The following EVI5L variants were observed in gnomAD, a reference collection of about 807,000 sequenced individuals.
The protein encoded by EVI5L is EVI5-like protein.
EVI5L carries 30 observed loss-of-function variants against 106.1 expected under a neutral mutation model. The ratio of observed to expected loss-of-function variants is 0.28; its 90% CI spans 0.21 to 0.38. The LOEUF (loss-of-function observed/expected upper bound fraction) is 0.38. EVI5L is among the 10% of genes least tolerant of loss of function. The pLI is 1.00. For missense variants in EVI5L, 809 were observed against 1,098.0 expected (o/e 0.74, Z 3.72); for synonymous variants, 489 against 483.3 (o/e 1.01, Z -0.15).
intron 2 of EVI5L, among the ~76,000 whole-genome samples, chr19:7,847,471 C>T (rs979959900): frequency 2.0e-5 from 3 of 151,986 alleles, no homozygotes; most frequent in African/African-American, 7.3e-5. Flanking sequence ...CCTGTAATCC[C>T]AGCTACTCAG....
At chr19:7,844,677 C>T (rs1256947962) in intron 1 of EVI5L, among the ~76,000 whole-genome samples, 1 of 152,236 alleles carries the variant, frequency 6.6e-6, no homozygotes, top group Admixed American at 6.5e-5. Context: ...TTAGGTGGTG[C>T]CCAGCAGCTT....
At chr19:7,860,729 C>G in intron 14 of EVI5L, 40 bp downstream of exon 14, 1 of 1,534,620 alleles carries the variant, frequency 6.5e-7, no homozygotes, top group East Asian at 2.4e-5. Flanking sequence ...CGGGGGGACC[C>G]TGGGGCACAG....
At chr19:7,837,809 T>G (rs866553241) in intron 1 of EVI5L, among the ~76,000 whole-genome samples, 3 of 152,064 alleles carry the variant, frequency 2.0e-5, no homozygotes, top group Middle Eastern at 6.8e-3. Flanking sequence ...GTTCAAGCGA[T>G]TCTCCTGCCT....
rs1359385346 is a variant in EVI5L at position 7,864,711 on chromosome 19, C to T, written c.*1009C>T. On this transcript the variant is annotated 3_prime_UTR_variant, in exon 20 of 20. Coordinates refer to ENST00000538904, the MANE Select transcript of EVI5L (RefSeq NM_001159944.3). This position sits in a 1 kb window ranked among gnomAD's most constrained non-coding sequence, Gnocchi z 4.5. ...CCCCGGCCCCCCGGGCCTCATGACC[C>T]TGGGGGCTGCCCCCCTCGGTGCTCC... 6.6e-6 allele frequency: 1 copy of T among 152,380 alleles called. No homozygotes were observed. Among genetic ancestry groups the T allele is most frequent in the African/African-American group, 2.4e-5 (1 of 41,428 alleles). 9.4% of individuals were successfully genotyped at this position (152,380 alleles called of 1,614,324 possible).
rs567289793 is a variant in EVI5L at position 7,859,760 on chromosome 19, A to C, written c.1375-801A>C. Among the ~76,000 whole-genome samples the C allele has an allele frequency of 6.6e-5, 10 of 152,338 alleles. No individual in the cohort carries two copies. The South Asian group carries it at 1.7e-3, about 25-fold the overall frequency. On this transcript the variant is annotated intron_variant, in intron 13 of 19. Transcript: ENST00000538904. ...GGGGATGCAGAGATCGGGGAGGCCC[A>C]AGGCCACCTCCTCAGGCCCAAAGGG... is the stretch of plus-strand genomic sequence containing the variant.
At position 7,850,242 on chromosome 19, in the gene EVI5L, C is replaced by G. The variant is rs904667342; in HGVS notation, c.753+120C>G. ...CACCCTAGACCATACCCGGGCACCT[C>G]TTGGACTGAAAATTCCAAGCCTGTG... On this transcript the variant is annotated intron_variant, in intron 6 of 19. Coordinates refer to ENST00000538904, the MANE Select transcript of EVI5L (RefSeq NM_001159944.3). This position sits in a 1 kb window ranked among gnomAD's most constrained non-coding sequence, Gnocchi z 5.4. 1.8e-5 allele frequency: 25 copies of G among 1,393,492 alleles called. No individual in the cohort carries two copies. In the African/African-American group the frequency reaches 3.6e-4, roughly 20 times the overall value. 86.3% of individuals were successfully genotyped at this position (1,393,492 alleles called of 1,614,324 possible).
Position 7,858,070 on chromosome 19 carries a change from G to GCCCCCACCTCACTTC in EVI5L, c.1234-110_1234-96dup. 5.8e-6 allele frequency: 7 copies of GCCCCCACCTCACTTC among 1,198,804 alleles called. No individual in the cohort carries two copies. The highest frequency in any genetic ancestry group is 6.9e-6 in the Non-Finnish European group (6 of 864,144). The allele number at this position is 1,198,804 out of a possible 1,614,324, so 74.3% of individuals were successfully genotyped here. ...TCATCCCAGGCTCTGAGTACGGGAG[G>GCCCCCACCTCACTTC]CCCCCACCTCACTTCCCCCCACCTC... On this transcript the variant is annotated intron_variant, in intron 12 of 19. Coordinates refer to ENST00000538904, the MANE Select transcript of EVI5L (RefSeq NM_001159944.3). The surrounding 1 kb of genome is among the most constrained non-coding windows in gnomAD (Gnocchi z 5.7).
At chr19:7,842,311 AGAATGTAT>A in intron 1 of EVI5L, among the ~76,000 whole-genome samples, 1 of 85,504 alleles carries the variant, frequency 1.2e-5, no homozygotes, top group East Asian at 3.0e-4. Flanking sequence ...TGCGTGTGTG[AGAATGTAT>A]GAATGTATGT....
chr19:7,839,773 A>C (rs1978516944), intron 1 of EVI5L, among the ~76,000 whole-genome samples: 1 of 152,120 alleles, frequency 6.6e-6, no homozygotes, highest in African/African-American at 2.4e-5. Context: ...AATTAGAAAA[A>C]TTGGCAAGGC....
chr19:7,862,212 C>T lies in EVI5L; in HGVS notation c.1735C>T (p.Arg579Cys). The T allele has an allele frequency of 6.4e-7, 1 of 1,573,072 alleles. No homozygotes were observed. Among genetic ancestry groups the T allele is most frequent in the Non-Finnish European group, 8.6e-7 (1 of 1,161,578 alleles). ...GGACGAGCTGATGAGCGTGCGTCTG[C>T]GCGAGGCCCAGGCCCTGGCCGAGGG... The part of the protein sequence containing the change: ...LQDELMSVRL[R>C]EAQALAEGRE... Residue 579 changes from arginine (R) to cysteine (C), a missense_variant, in exon 16 of 20, where the codon CGC becomes TGC. By Grantham distance (180) the Arg-to-Cys change is radical. Transcript: ENST00000538904.
At chr19:7,862,584 GC>G in intron 17 of EVI5L, 50 bp downstream of exon 17, 1 of 1,319,082 alleles carries the variant, frequency 7.6e-7, no homozygotes, top group South Asian at 1.8e-5. Flanking sequence ...CCCCGGACGC[GC>G]CCCTACATGA....
Position 7,856,074 on chromosome 19 carries a change from G to A in EVI5L, c.1200+6G>A. On this transcript the variant is annotated splice_donor_region_variant and intron_variant, in intron 11 of 19. Coordinates refer to ENST00000538904, the MANE Select transcript of EVI5L (RefSeq NM_001159944.3). The surrounding 1 kb of genome is among the most constrained non-coding windows in gnomAD (Gnocchi z 6.6). ...GGATTGAAACCCTAGAGAAGGTGAG[G>A]GGCGTGGCCACTGTGAGGACATGGT... 3.0e-6 allele frequency: 4 copies of A among 1,322,574 alleles called. No individual in the cohort carries two copies. Among genetic ancestry groups the A allele is most frequent in the Non-Finnish European group, 3.9e-6 (4 of 1,026,584 alleles). The allele number at this position is 1,322,574 out of a possible 1,614,324, so 81.9% of individuals were successfully genotyped here. A position where few individuals can be genotyped will look rare whatever the true frequency, so the allele number is the denominator to read the frequency against.
At position 7,862,178 on chromosome 19, in the gene EVI5L, C is replaced by T. The variant is rs770000111; in HGVS notation, c.1701C>T (p.Gly567=). ...WKESPRKLVV[G]ELQDELMSVR... is the part of the protein sequence containing the mutation. The stretch of plus-strand genomic sequence containing the variant: ...AGTCCCCACGGAAGCTGGTCGTGGG[C>T]GAGCTGCAGGACGAGCTGATGAGCG... The change falls in exon 16 of 20, where the codon GGC becomes GGT. Residue 567 remains glycine, a synonymous_variant. Coordinates refer to ENST00000538904, the MANE Select transcript of EVI5L (RefSeq NM_001159944.3). 6 of 1,576,110 alleles carry T rather than the reference C, an allele frequency of 3.8e-6. No homozygotes were observed. Among genetic ancestry groups the T allele is most frequent in the Middle Eastern group, 1.7e-4 (1 of 6,040 alleles).
chr19:7,844,570 G>A (rs1478897622), intron 1 of EVI5L, among the ~76,000 whole-genome samples: 1 of 152,142 alleles, frequency 6.6e-6, no homozygotes, highest in Non-Finnish European at 1.5e-5. Flanking sequence ...AGCACTTCTT[G>A]TCCACAGCCC....
chr19:7,851,628 G>A (rs997457342), intron 7 of EVI5L, 51 bp downstream of exon 7: 5 of 1,594,200 alleles, frequency 3.1e-6, no homozygotes, highest in Non-Finnish European at 4.3e-6. Flanking sequence ...GGGGGTGGTT[G>A]GAACAGGAGC....
At position 7,853,269 on chromosome 19, in the gene EVI5L, G is replaced by A; in HGVS notation, c.1086-4G>A. ...AGTAACCACGGGGCCCTCCCGATCT[G>A]CAGGCTGGAGAAGGAGTACGCAGCC... On this transcript the variant is annotated splice_region_variant and splice_polypyrimidine_tract_variant and intron_variant, in intron 9 of 19. Coordinates refer to ENST00000538904, the MANE Select transcript of EVI5L (RefSeq NM_001159944.3). 6.2e-7 allele frequency: 1 copy of A among 1,613,932 alleles called. No individual in the cohort carries two copies. The highest frequency in any genetic ancestry group is 8.5e-7 in the Non-Finnish European group (1 of 1,179,986).
rs373772758 is a variant in EVI5L at position 7,858,203 on chromosome 19, C to T, written c.1246C>T (p.Arg416Trp). 1 of 1,564,188 alleles carries T rather than the reference C, an allele frequency of 6.4e-7. No individual in the cohort carries two copies. Among genetic ancestry groups the T allele is most frequent in the Non-Finnish European group, 8.7e-7 (1 of 1,154,570 alleles). Reference protein sequence around the residue: ...ADRLIQGQVTRAQEAEENYVI... With the variant: ...ADRLIQGQVTWAQEAEENYVI... Reference sequence around the variant, plus strand: ...TCGCTGTTCTCAGGGGCAAGTGACACGGGCGCAGGAGGCGGAGGAGAACTA... The same window carrying T: ...TCGCTGTTCTCAGGGGCAAGTGACATGGGCGCAGGAGGCGGAGGAGAACTA... The change falls in exon 13 of 20, where the codon CGG (arginine) becomes TGG (tryptophan). Residue 416 changes from arginine (R) to tryptophan (W), a missense_variant. Arg to Trp is a moderately radical substitution (Grantham distance 101). Around this residue, in one of 2 missense-constraint regions of EVI5L, gnomAD observed 357 missense variants for 588.1 expected, o/e 0.61. Transcript: ENST00000538904. This position sits in a 1 kb window ranked among gnomAD's most constrained non-coding sequence, Gnocchi z 5.7.
intron 1 of EVI5L, among the ~76,000 whole-genome samples, chr19:7,832,625 G>A (rs1978298446): frequency 6.6e-6 from 1 of 152,152 alleles, no homozygotes; most frequent in Non-Finnish European, 1.5e-5. Flanking sequence ...GGGCTCCTGT[G>A]AATCACTGGC....
chr19:7,847,715 C>T lies in EVI5L; in HGVS notation c.138-17C>T, dbSNP rs753652084. 54 of 1,606,270 alleles carry T rather than the reference C, an allele frequency of 3.4e-5. No individual in the cohort carries two copies. In the Admixed American group the frequency reaches 3.8e-4, roughly 11 times the overall value. ...CAGGGAGTCACTGGTTCCCCTCTGTCGGCCCTTCCTGCCCAGGCTCCTGGA... is the reference window on the plus strand; with the variant it reads ...CAGGGAGTCACTGGTTCCCCTCTGTTGGCCCTTCCTGCCCAGGCTCCTGGA... On this transcript the variant is annotated splice_polypyrimidine_tract_variant and intron_variant, in intron 2 of 19. Transcript: ENST00000538904.
Sources: allele counts gnomAD v4.1 joint callset (sites outside exome capture counted in the v4.1 genomes callset), GRCh38; gene constraint gnomAD v4.1.1; regional missense constraint gnomAD v4.1.1; non-coding constraint Gnocchi (gnomAD v3.1); transcripts MANE v1.5; gene names NCBI Gene and HGNC (gene_info 2026-07-23, HGNC 2026-07-21).